THSD7B: variants seen among roughly 807,000 people sequenced by gnomAD.
THSD7B encodes the protein thrombospondin type-1 domain-containing protein 7B.
A neutral mutation model predicts 213.6 loss-of-function variants in THSD7B; 138 were observed. The observed-to-expected ratio is 0.65, with a 90% CI of 0.56 to 0.74. The LOEUF (loss-of-function observed/expected upper bound fraction) is 0.74. Among genes scored for constraint, THSD7B ranks in the 30% least tolerant of loss-of-function variants. THSD7B has a pLI of 0.00. For missense variants in THSD7B, 1,931 were observed against 1,991.5 expected, an observed-to-expected ratio of 0.97 and a Z score of 0.58; for synonymous variants, 742 against 687.0, an observed-to-expected ratio of 1.08 and a Z score of -1.25.
intron 15 of THSD7B, among the ~76,000 whole-genome samples, chr2:137,518,616 A>G (rs994687995): frequency 4.6e-5 from 7 of 152,328 alleles, no homozygotes; most frequent in African/African-American, 1.7e-4. Context: ...TCAGCAAAGG[A>G]GGATTTAAAT....
chr2:136,882,076 C>A, intron 1 of THSD7B, 68 bp from the exon 2 acceptor site: 1 of 1,219,702 alleles, frequency 8.2e-7, no homozygotes, highest in Non-Finnish European at 1.1e-6. Context: ...AAGGTTCTAG[C>A]AGTCAAAATG....
At chr2:137,245,202 A>C (rs1681999619) in intron 10 of THSD7B, among the ~76,000 whole-genome samples, 1 of 152,162 alleles carries the variant, frequency 6.6e-6, no homozygotes, top group Non-Finnish European at 1.5e-5. Context: ...AGATTGGGGC[A>C]TAAGAGCATG....
chr2:137,074,889 T>C (rs1258051239), intron 3 of THSD7B, among the ~76,000 whole-genome samples: 2 of 152,212 alleles, frequency 1.3e-5, no homozygotes, highest in African/African-American at 2.4e-5. Context: ...AAAATTCTTT[T>C]CTTTAAGAAT....
At chr2:137,051,101 T>A (rs575579710) in intron 2 of THSD7B, among the ~76,000 whole-genome samples, 2 of 152,330 alleles carry the variant, frequency 1.3e-5, no homozygotes, top group East Asian at 3.9e-4. Context: ...GGCTTGCTGC[T>A]ATAGATCTAG....
chr2:136,961,281 C>G (rs1020431110), intron 2 of THSD7B, among the ~76,000 whole-genome samples: 30 of 141,218 alleles, frequency 2.1e-4, no homozygotes, highest in African/African-American at 7.7e-4. Context: ...AGTGCAGTGG[C>G]GTGATCTCGG....
chr2:136,808,579 A>C (rs1682325409), intron 1 of THSD7B, among the ~76,000 whole-genome samples: 2 of 152,236 alleles, frequency 1.3e-5, no homozygotes, highest in Non-Finnish European at 2.9e-5. Flanking sequence ...GTTTTCAATC[A>C]GTTGGCTAAA....
intron 24 of THSD7B, among the ~76,000 whole-genome samples, chr2:137,658,266 G>A (rs1683276786): frequency 6.6e-6 from 1 of 152,000 alleles, no homozygotes; most frequent in Non-Finnish European, 1.5e-5. Context: ...TATACTCTAA[G>A]TCTCCCTAGT....
chr2:137,003,428 G>T (rs796450976), intron 2 of THSD7B, among the ~76,000 whole-genome samples: 15 of 152,232 alleles, frequency 9.9e-5, no homozygotes, highest in African/African-American at 3.6e-4. Flanking sequence ...GAGATAAGAG[G>T]GGTGTAACAA....
rs192021094 is a variant in THSD7B, at chr2:137,648,166, G to A, written c.3945+5533G>A. Among the ~76,000 whole-genome samples the A allele has an allele frequency of 2.8e-3, 432 of 152,024 alleles. 2 individuals carry two copies. The highest frequency in any genetic ancestry group is 0.015 in the South Asian group (74 of 4,798). On this transcript the variant is annotated intron_variant, in intron 21 of 27. Transcript: ENST00000409968. ...ATAACTTAGTATATTCATATAATTC[G>A]TAAATATCAAGTCAGTGTAATTGGG...
At chr2:137,388,968 A>G (rs1368117294) in intron 12 of THSD7B, among the ~76,000 whole-genome samples, 1 of 151,962 alleles carries the variant, frequency 6.6e-6, no homozygotes, top group Non-Finnish European at 1.5e-5. Flanking sequence ...TATTGCTGCA[A>G]TAAACATGGG....
intron 15 of THSD7B, among the ~76,000 whole-genome samples, chr2:137,490,703 A>G (rs912675891): frequency 6.6e-6 from 1 of 152,186 alleles, no homozygotes; most frequent in African/African-American, 2.4e-5. Flanking sequence ...CAGCTGAAGC[A>G]TTGTTGTAGG....
At chr2:137,067,933 G>A (rs1335514477) in intron 3 of THSD7B, among the ~76,000 whole-genome samples, 1 of 152,024 alleles carries the variant, frequency 6.6e-6, no homozygotes, top group Admixed American at 6.6e-5. Context: ...GTCCCCACTA[G>A]AACTGGGCTC....
chr2:136,773,935 A>C (rs930732364), intron 1 of THSD7B, among the ~76,000 whole-genome samples: 1 of 151,874 alleles, frequency 6.6e-6, no homozygotes, highest in Non-Finnish European at 1.5e-5. Context: ...TTTCAAGAGC[A>C]CAAATTAAAA....
intron 12 of THSD7B, among the ~76,000 whole-genome samples, chr2:137,400,938 G>A (rs1686341465): frequency 6.6e-6 from 1 of 152,220 alleles, no homozygotes; most frequent in South Asian, 2.1e-4. Flanking sequence ...AGCCCTGATG[G>A]AAGTGGTGGG....
intron 15 of THSD7B, among the ~76,000 whole-genome samples, chr2:137,503,900 C>T (rs1679772589): frequency 6.6e-6 from 1 of 151,868 alleles, no homozygotes; most frequent in Admixed American, 6.6e-5. Context: ...TGGAATGCGC[C>T]TATAGTCCCA....
At chr2:137,219,077 C>T (rs2105042499) in intron 7 of THSD7B, among the ~76,000 whole-genome samples, 1 of 152,010 alleles carries the variant, frequency 6.6e-6, no homozygotes, top group Middle Eastern at 3.4e-3. Context: ...ATGATTCTCC[C>T]CTAGTTCACC....
At chr2:137,269,329 C>T (rs1279846811) in intron 10 of THSD7B, among the ~76,000 whole-genome samples, 2 of 152,114 alleles carry the variant, frequency 1.3e-5, no homozygotes, top group Non-Finnish European at 2.9e-5. Flanking sequence ...ATTATTTTAC[C>T]TGCAGTCACA....
intron 2 of THSD7B, among the ~76,000 whole-genome samples, chr2:136,891,647 G>A (rs541242280): frequency 2.5e-4 from 38 of 152,184 alleles, no homozygotes; most frequent in African/African-American, 8.7e-4. Flanking sequence ...TTTCATATTC[G>A]GGAAAGACAT....
At chr2:137,263,676 T>A (rs77912893) in intron 10 of THSD7B, among the ~76,000 whole-genome samples, 4,068 of 152,296 alleles carry the variant, frequency 0.027, 105 homozygotes, top group Middle Eastern at 0.092. Context: ...ATTTCATTTG[T>A]ATATAGATAG....
Sources: gnomAD v4.1 joint callset for allele counts (sites outside exome capture counted in the v4.1 genomes callset) on GRCh38, gnomAD v4.1.1 for gene constraint, MANE v1.5 for transcripts, NCBI Gene and HGNC (gene_info 2026-07-23, HGNC 2026-07-21) for gene names.